Variants in SEC24D observed in about 807,000 individuals in gnomAD.
The protein encoded by SEC24D is SEC24 homolog D, COPII component, also known as protein transport protein Sec24D.
In SEC24D, 69 loss-of-function variants were observed where a neutral mutation model predicts 116.9. The observed-to-expected ratio is 0.59, with a 90% CI of 0.49 to 0.72. SEC24D has a LOEUF of 0.72. SEC24D is among the 30% of genes least tolerant of loss of function. The pLI is 0.00. For missense variants in SEC24D, 1,131 were observed against 1,264.1 expected, an observed-to-expected ratio of 0.89 and a Z score of 1.60; for synonymous variants, 405 against 442.8, an observed-to-expected ratio of 0.91 and a Z score of 1.07.
intron 9 of SEC24D, among the ~76,000 whole-genome samples, chr4:118,765,986 G>C (rs1164381634): frequency 2.6e-5 from 4 of 152,128 alleles, no homozygotes; most frequent in Admixed American, 1.3e-4. Context: ...CAACTGACAG[G>C]CTCAGCTGAG....
At chr4:118,770,181 T>G (rs1354945766) in intron 8 of SEC24D, among the ~76,000 whole-genome samples, 1 of 152,156 alleles carries the variant, frequency 6.6e-6, no homozygotes, top group Non-Finnish European at 1.5e-5. Flanking sequence ...TTTAAATACA[T>G]ACTCACACAT....
intron 6 of SEC24D, among the ~76,000 whole-genome samples, chr4:118,809,512 T>C (rs761594449): frequency 5.3e-5 from 8 of 152,192 alleles, no homozygotes; most frequent in Admixed American, 1.3e-4. Context: ...CCTTTGGTAA[T>C]AGGAATACAA....
At chr4:118,744,777 A>G (rs1017866284) in intron 14 of SEC24D, among the ~76,000 whole-genome samples, 167 bp downstream of exon 14, 7 of 152,246 alleles carry the variant, frequency 4.6e-5, no homozygotes, top group Non-Finnish European at 8.8e-5. Flanking sequence ...CTAGGAATAT[A>G]AAATATTTTA....
intron 2 of SEC24D, among the ~76,000 whole-genome samples, chr4:118,828,233 C>T (rs1345169919): frequency 3.3e-5 from 5 of 152,042 alleles, no homozygotes; most frequent in South Asian, 2.1e-4. Context: ...CTCAGCCTCC[C>T]GAGTAGCTGG....
chr4:118,766,246 T>G (rs1053793992), intron 9 of SEC24D, among the ~76,000 whole-genome samples: 1 of 152,188 alleles, frequency 6.6e-6, no homozygotes, highest in African/African-American at 2.4e-5. Flanking sequence ...CCATAAATCA[T>G]GTACTACCCT....
chr4:118,732,137 AATTTT>A (rs752772212), intron 20 of SEC24D, among the ~76,000 whole-genome samples: 2 of 151,754 alleles, frequency 1.3e-5, no homozygotes, highest in East Asian at 3.9e-4. Flanking sequence ...ACGAGCTGAC[AATTTT>A]ATTTTATTTT....
In SEC24D at chr4:118,833,826, T is replaced by G; in HGVS notation, c.-41-89A>C. 5 of 631,290 alleles carry G rather than the reference T, an allele frequency of 7.9e-6. No homozygotes were observed. In the South Asian group the frequency reaches 9.9e-5, roughly 13 times the overall value. 39.1% of individuals were successfully genotyped at this position (631,290 alleles called of 1,614,324 possible). A position where few individuals can be genotyped will look rare whatever the true frequency, so the allele number is the denominator to read the frequency against. ...TATAAACACTGTTATTACATGTTTA[T>G]GATGGTTTGAGGAAAAGTACAGATA... On this transcript the variant is annotated intron_variant, in intron 1 of 22. Transcript: ENST00000280551.
chr4:118,725,790 C>T (rs978247993), intron 22 of SEC24D, among the ~76,000 whole-genome samples: 5 of 152,084 alleles, frequency 3.3e-5, no homozygotes, highest in African/African-American at 1.2e-4. Context: ...CTACAGGTGT[C>T]AGGATGACAC....
Position 118,824,765 on chromosome 4 carries a change from ATGAATTTAGAAG to A in SEC24D, c.119-28_119-17del. On this transcript the variant is annotated splice_polypyrimidine_tract_variant and intron_variant, in intron 2 of 22. Coordinates refer to ENST00000280551, the MANE Select transcript of SEC24D (RefSeq NM_014822.4). ...TTCATCATACCTGCAAGAGAGGGGC[ATGAATTTAGAAG>A]TGTATTAAAGTACAAAGAGAGATGA... The A allele has an allele frequency of 1.3e-6, 2 of 1,568,690 alleles. No individual in the cohort carries two copies. The highest frequency in any genetic ancestry group is 1.7e-6 in the Non-Finnish European group (2 of 1,162,960).
intron 22 of SEC24D, among the ~76,000 whole-genome samples, chr4:118,727,014 A>C (rs1725449825): frequency 6.6e-6 from 1 of 152,154 alleles, no homozygotes. Flanking sequence ...TGGAATGCTA[A>C]GTGCACTGGG....
chr4:118,830,089 G>A (rs547831759), intron 2 of SEC24D, among the ~76,000 whole-genome samples: 1 of 152,292 alleles, frequency 6.6e-6, no homozygotes, highest in South Asian at 2.1e-4. Flanking sequence ...TATAAGAGCT[G>A]GAGTAATTTA....
chr4:118,728,446 T>C, intron 22 of SEC24D, 115 bp downstream of exon 22: 1 of 629,190 alleles, frequency 1.6e-6, no homozygotes, highest in Non-Finnish European at 2.7e-6. Context: ...AGATTTGTGA[T>C]GGTGTGAGTT....
intron 7 of SEC24D, among the ~76,000 whole-genome samples, chr4:118,801,000 G>A (rs961834796): frequency 2.6e-5 from 4 of 152,126 alleles, no homozygotes; most frequent in Non-Finnish European, 4.4e-5. Flanking sequence ...GGTGGCTCAC[G>A]CCTGTAATCC....
chr4:118,724,192 G>C (rs762108087), intron 22 of SEC24D, among the ~76,000 whole-genome samples: 36 of 152,214 alleles, frequency 2.4e-4, no homozygotes, highest in Non-Finnish European at 4.0e-4. Flanking sequence ...GGTTTGAAGT[G>C]TCTGGGTGGG....
intron 15 of SEC24D, among the ~76,000 whole-genome samples, chr4:118,743,006 G>A (rs544789250): frequency 1.4e-4 from 22 of 152,220 alleles, no homozygotes; most frequent in East Asian, 1.4e-3. Context: ...CTGTGCCGGG[G>A]CGCATAAGTT....
intron 3 of SEC24D, among the ~76,000 whole-genome samples, chr4:118,821,636 A>G (rs1454012220): frequency 6.6e-6 from 1 of 152,264 alleles, no homozygotes; most frequent in Admixed American, 6.5e-5. Flanking sequence ...ATTTAGATAC[A>G]GTAAAATTAA....
intron 16 of SEC24D, 63 bp from the exon 17 acceptor site, chr4:118,740,871 G>A (rs1223787894): frequency 1.3e-5 from 21 of 1,598,400 alleles, no homozygotes; most frequent in Non-Finnish European, 1.7e-5. Context: ...TTCTTTGTTG[G>A]CCTGTTATTA....
Position 118,740,723 on chromosome 4 carries a change from T to G in SEC24D, c.2178A>C (p.Ala726=). 1 of 1,613,984 alleles carries G rather than the reference T, an allele frequency of 6.2e-7. No individual in the cohort carries two copies. Residue 726 remains alanine (A), a synonymous_variant, in exon 17 of 23, where the codon GCA becomes GCC. Coordinates refer to ENST00000280551, the MANE Select transcript of SEC24D (RefSeq NM_014822.4). ...CATCGTGCTTGAACTCCACGGTCAC[T>G]GCCTTGTCACAATCGATGGCAGCCA... The part of the protein sequence containing the change: ...VEMAAIDCDK[A]VTVEFKHDDK...
intron 15 of SEC24D, among the ~76,000 whole-genome samples, chr4:118,742,853 C>G (rs751958094): frequency 1.4e-4 from 22 of 152,184 alleles, no homozygotes; most frequent in Non-Finnish European, 2.6e-4. Flanking sequence ...GGAAAAGGAA[C>G]TGGGTGGGCA....
Sources: allele counts gnomAD v4.1 joint callset (sites outside exome capture counted in the v4.1 genomes callset), GRCh38; gene constraint gnomAD v4.1.1; transcripts MANE v1.5; gene names NCBI Gene and HGNC (gene_info 2026-07-23, HGNC 2026-07-21).